Variants in MYO6 observed in about 807,000 individuals in gnomAD.
The protein encoded by MYO6 is unconventional myosin-VI.
A neutral mutation model predicts 178.7 loss-of-function variants in MYO6; 74 were observed. The observed-to-expected ratio is 0.41, with a 90% CI of 0.34 to 0.50. The LOEUF (loss-of-function observed/expected upper bound fraction) is 0.50, where lower values mean the gene tolerates loss of function less well. Ranked by LOEUF, MYO6 falls within the 20% of genes least tolerant of loss-of-function variation. The pLI, the probability that MYO6 is intolerant of heterozygous loss-of-function variation, is 0.09. For synonymous variants in MYO6, 477 were observed against 504.6 expected, an observed-to-expected ratio of 0.95 and a Z score of 0.73; for missense variants, 1,330 against 1,547.4, an observed-to-expected ratio of 0.86 and a Z score of 2.36.
chr6:75,753,455 G>GTATATATATATATA (rs58108910), intron 1 of MYO6, among the ~76,000 whole-genome samples: 1 of 140,034 alleles, frequency 7.1e-6, no homozygotes, highest in African/African-American at 2.7e-5. Flanking sequence ...GTGTGTGTGT[G>GTATATATATATATA]TATATATATA....
intron 2 of MYO6, 145 bp from the exon 3 acceptor site, chr6:75,822,637 A>G: frequency 1.5e-6 from 1 of 645,758 alleles, no homozygotes; most frequent in South Asian, 1.7e-5. Context: ...GGGGTTAATG[A>G]CTTGTTAAAT....
At chr6:75,760,439 GA>G (rs1777842528) in intron 1 of MYO6, among the ~76,000 whole-genome samples, 1 of 152,044 alleles carries the variant, frequency 6.6e-6, no homozygotes, top group Non-Finnish European at 1.5e-5. Context: ...GGATTCCAGG[GA>G]AAAAGAAGTA....
intron 30 of MYO6, among the ~76,000 whole-genome samples, chr6:75,903,519 G>A (rs1307760281): frequency 6.6e-6 from 1 of 151,910 alleles, no homozygotes; most frequent in Non-Finnish European, 1.5e-5. Context: ...TTGGTTTAAA[G>A]TCTGTTTTAT....
chr6:75,780,082 G>A (rs1208656234), intron 1 of MYO6, among the ~76,000 whole-genome samples: 1 of 152,164 alleles, frequency 6.6e-6, no homozygotes, highest in African/African-American at 2.4e-5. Context: ...TGGGTAATGG[G>A]GGCTGGAGGT....
intron 33 of MYO6, among the ~76,000 whole-genome samples, chr6:75,912,700 T>C (rs773325810): frequency 4.6e-5 from 7 of 152,220 alleles, no homozygotes; most frequent in Non-Finnish European, 7.4e-5. Flanking sequence ...TTTAAATTCT[T>C]AGTTTTGAAT....
intron 30 of MYO6, among the ~76,000 whole-genome samples, chr6:75,900,431 A>G (rs1779667606): frequency 6.6e-6 from 1 of 152,114 alleles, no homozygotes; most frequent in Admixed American, 6.5e-5. Flanking sequence ...TGCCATTCTA[A>G]CTGATGTGAG....
At chr6:75,752,532 C>T (rs1408357478) in intron 1 of MYO6, among the ~76,000 whole-genome samples, 1 of 152,176 alleles carries the variant, frequency 6.6e-6, no homozygotes, top group Non-Finnish European at 1.5e-5. Flanking sequence ...CATTTGACCA[C>T]GAAGCCCCTG....
At chr6:75,880,556 T>A (rs578000139) in intron 22 of MYO6, among the ~76,000 whole-genome samples, 5 of 152,334 alleles carry the variant, frequency 3.3e-5, no homozygotes, top group Non-Finnish European at 7.4e-5. Flanking sequence ...CATTCAAAGC[T>A]GTCCTGGGCC....
intron 9 of MYO6, among the ~76,000 whole-genome samples, chr6:75,841,875 G>A (rs960353075): frequency 2.0e-5 from 3 of 152,114 alleles, no homozygotes; most frequent in Admixed American, 2.0e-4. Flanking sequence ...TGAGTTTATA[G>A]TATAACACTG....
intron 1 of MYO6, among the ~76,000 whole-genome samples, chr6:75,776,654 G>GTGTGTA (rs1491395871): frequency 4.0e-4 from 5 of 12,564 alleles, no homozygotes; most frequent in African/African-American, 6.8e-4. Context: ...GAAACGTGCA[G>GTGTGTA]TGTGTGTGTG....
chr6:75,770,322 C>A (rs1765743597), intron 1 of MYO6, among the ~76,000 whole-genome samples: 1 of 152,110 alleles, frequency 6.6e-6, no homozygotes, highest in Non-Finnish European at 1.5e-5. Flanking sequence ...TAAAAACAGA[C>A]CAACACAGAG....
At chr6:75,838,754 C>T (rs372715960) in intron 7 of MYO6, among the ~76,000 whole-genome samples, 11 of 151,518 alleles carry the variant, frequency 7.3e-5, no homozygotes, top group South Asian at 6.3e-4. Flanking sequence ...CTCCATCTCC[C>T]GGGTTCAAGT....
intron 18 of MYO6, among the ~76,000 whole-genome samples, chr6:75,869,218 G>C (rs1030770864): frequency 6.6e-6 from 1 of 151,812 alleles, no homozygotes; most frequent in Non-Finnish European, 1.5e-5. Context: ...ACGGTTGTCA[G>C]AACTCTGTCA....
At chr6:75,871,097 T>G (rs758738975) in intron 19 of MYO6, among the ~76,000 whole-genome samples, 3 of 152,204 alleles carry the variant, frequency 2.0e-5, no homozygotes, top group Non-Finnish European at 4.4e-5. Flanking sequence ...CAAAATTTAT[T>G]AGAAGCCTGT....
chr6:75,901,110 A>G (rs931779604), intron 30 of MYO6, among the ~76,000 whole-genome samples: 3 of 152,278 alleles, frequency 2.0e-5, no homozygotes, highest in Non-Finnish European at 4.4e-5. Context: ...TTTTGGTACC[A>G]GTAGCATGCT....
At chr6:75,801,978 C>G (rs556263289) in intron 1 of MYO6, among the ~76,000 whole-genome samples, 11 of 151,838 alleles carry the variant, frequency 7.2e-5, no homozygotes, top group African/African-American at 2.7e-4. Context: ...TATAGAATAT[C>G]TGAATATACT....
chr6:75,849,561 G>T (rs142657307), intron 11 of MYO6, among the ~76,000 whole-genome samples: 1 of 152,276 alleles, frequency 6.6e-6, no homozygotes, highest in African/African-American at 2.4e-5. Context: ...AAGAATTGGT[G>T]TGGTGGCTGC....
At chr6:75,809,544 T>C (rs1770457420) in intron 1 of MYO6, among the ~76,000 whole-genome samples, 1 of 151,806 alleles carries the variant, frequency 6.6e-6, no homozygotes. Context: ...AATTTGGTTT[T>C]ATACATTTTA....
chr6:75,773,526 T>G (rs1766089956), intron 1 of MYO6, among the ~76,000 whole-genome samples: 1 of 152,204 alleles, frequency 6.6e-6, no homozygotes, highest in African/African-American at 2.4e-5. Flanking sequence ...TTAGACTAGT[T>G]TGTTAGTTTA....
Sources: gnomAD v4.1 joint callset for allele counts (sites outside exome capture counted in the v4.1 genomes callset) on GRCh38, gnomAD v4.1.1 for gene constraint, MANE v1.5 for transcripts, NCBI Gene and HGNC (gene_info 2026-07-23, HGNC 2026-07-21) for gene names.